The following CHMP2B variants were observed in gnomAD, a reference collection of about 807,000 sequenced individuals.
CHMP2B encodes charged multivesicular body protein 2B.
CHMP2B carries 22 observed loss-of-function variants against 29.8 expected under a neutral mutation model. The ratio of observed to expected loss-of-function variants is 0.74; its 90% confidence interval spans 0.53 to 1.05. The LOEUF (loss-of-function observed/expected upper bound fraction) is 1.05, where lower values mean the gene tolerates loss of function less well. CHMP2B is among the 50% of genes least tolerant of loss of function. The probability of loss-of-function intolerance (pLI) is 0.00; values close to 1 mark genes in which losing one functional copy is unlikely to be tolerated. For synonymous variants in CHMP2B, 78 were observed against 75.8 expected, an observed-to-expected ratio of 1.03 and a Z score of -0.15; for missense variants, 261 against 252.2, an observed-to-expected ratio of 1.03 and a Z score of -0.24.
Position 87,253,689 on chromosome 3 carries a change from G to T in CHMP2B, c.532-23G>T, listed in dbSNP as rs767224164. The T allele has an allele frequency of 3.1e-6, 5 of 1,594,464 alleles. No homozygotes were observed. In the African/African-American group the frequency reaches 4.0e-5, roughly 13 times the overall value. On this transcript the variant is annotated intron_variant, in intron 5 of 5. Transcript: ENST00000263780. ...TCCAAATGTTTCCTAATGCACGTTT[G>T]TCTTTTTCATTGTTTAATATAGATG... is the stretch of plus-strand genomic sequence containing the variant.
chr3:87,251,716 T>A (rs1371329497), intron 4 of CHMP2B, among the ~76,000 whole-genome samples: 1 of 152,012 alleles, frequency 6.6e-6, no homozygotes, highest in East Asian at 1.9e-4. Flanking sequence ...TTGTTCACAG[T>A]TAAGACACAA....
At position 87,227,430 on chromosome 3, in the gene CHMP2B, G is replaced by A; in HGVS notation, c.-93G>A. On this transcript the variant is annotated 5_prime_UTR_variant, in exon 1 of 6. Transcript: ENST00000263780. ...TGCTGTCTCTCCGCTCCGCCACCCC[G>A]AACCCGCCAAGGTCCTGTCCTTTTC... The A allele has an allele frequency of 6.6e-7, 1 of 1,511,606 alleles. No individual in the cohort carries two copies. Among genetic ancestry groups the A allele is most frequent in the Non-Finnish European group, 9.2e-7 (1 of 1,087,812 alleles). The allele number at this position is 1,511,606 out of a possible 1,614,324, so 93.6% of individuals were successfully genotyped here. A position where few individuals can be genotyped will look rare whatever the true frequency, so the allele number is the denominator to read the frequency against.
At chr3:87,233,703 C>A (rs533466340) in intron 1 of CHMP2B, among the ~76,000 whole-genome samples, 1 of 152,146 alleles carries the variant, frequency 6.6e-6, no homozygotes, top group African/African-American at 2.4e-5. Flanking sequence ...CTACCTCTTC[C>A]CTGGAGATCT....
intron 1 of CHMP2B, among the ~76,000 whole-genome samples, chr3:87,238,803 G>C (rs1387293447): frequency 1.3e-5 from 2 of 151,994 alleles, no homozygotes; most frequent in African/African-American, 2.4e-5. Flanking sequence ...CACTTCTTTC[G>C]ATCTAAGAGT....
intron 3 of CHMP2B, among the ~76,000 whole-genome samples, chr3:87,247,220 C>T (rs1706230316): frequency 6.6e-6 from 1 of 152,116 alleles, no homozygotes; most frequent in Admixed American, 6.6e-5. Context: ...TTTTTCATTA[C>T]CTAATCTGTA....
At chr3:87,230,332 G>A (rs542206905) in intron 1 of CHMP2B, among the ~76,000 whole-genome samples, 4 of 152,208 alleles carry the variant, frequency 2.6e-5, no homozygotes, top group South Asian at 2.1e-4. Context: ...AAACATATAA[G>A]TACTCATATA....
At position 87,240,776 on chromosome 3, in the gene CHMP2B, C is replaced by G. The variant is rs142645831; in HGVS notation, c.112C>G (p.Gln38Glu). 6.2e-7 allele frequency: 1 copy of G among 1,612,160 alleles called. No individual in the cohort carries two copies. Among genetic ancestry groups the G allele is most frequent in the South Asian group, 1.1e-5 (1 of 91,064 alleles). The change falls in exon 2 of 6, where the codon CAA (glutamine) becomes GAA (glutamate). Residue 38 changes from glutamine to glutamate, a missense_variant. Gln to Glu is a conservative substitution (Grantham distance 29). Transcript: ENST00000263780. ...IIRDRAALEK[Q>E]EKQLELEIKK... ...CAGAGATCGAGCAGCTTTAGAGAAA[C>G]AAGAAAAACAGCTGGTAAGTAGAAC...
At chr3:87,253,146 T>C (rs1706346033) in intron 4 of CHMP2B, 6 of 367,260 alleles carry the variant, frequency 1.6e-5, no homozygotes, top group South Asian at 1.2e-4. Context: ...TTTTGTCTAT[T>C]AGAATTAATT....
At chr3:87,249,424 G>A (rs553162708) in intron 3 of CHMP2B, among the ~76,000 whole-genome samples, 60 of 151,542 alleles carry the variant, frequency 4.0e-4, no homozygotes, top group African/African-American at 1.4e-3. Context: ...TTTAAACCAT[G>A]GTTTAAAATG....
At chr3:87,229,255 G>A (rs1012290929) in intron 1 of CHMP2B, among the ~76,000 whole-genome samples, 5 of 152,114 alleles carry the variant, frequency 3.3e-5, no homozygotes, top group Non-Finnish European at 1.5e-5. Flanking sequence ...TGTGCAATGA[G>A]TGTTTAACTG....
At chr3:87,228,946 A>T (rs1705860124) in intron 1 of CHMP2B, among the ~76,000 whole-genome samples, 1 of 151,512 alleles carries the variant, frequency 6.6e-6, no homozygotes, top group African/African-American at 2.4e-5. Flanking sequence ...GGGGTGGGGG[A>T]ACGATTTATT....
rs200322526 is a variant in CHMP2B, at chr3:87,240,720, G to A, written c.56G>A (p.Arg19Gln). 147 of 1,613,020 alleles carry A rather than the reference G, an allele frequency of 9.1e-5. No individual in the cohort carries two copies. The East Asian group carries it at 9.6e-4, about 11-fold the overall frequency. ...TVDDVIKEQN[R>Q]ELRGTQRAII... is the part of the protein sequence containing the mutation. ...CTAGATGTAATAAAGGAACAGAATCGAGAGTTACGAGGTACACAGAGGGCT... is the reference window on the plus strand; with the variant it reads ...CTAGATGTAATAAAGGAACAGAATCAAGAGTTACGAGGTACACAGAGGGCT... Residue 19 changes from arginine (R) to glutamine (Q), a missense_variant, in exon 2 of 6, where the codon CGA (arginine) becomes CAA (glutamine). Transcript: ENST00000263780.
chr3:87,227,495 C>T lies in CHMP2B; in HGVS notation c.-28C>T, dbSNP rs1251225436. On this transcript the variant is annotated 5_prime_UTR_variant, in exon 1 of 6. Transcript: ENST00000263780. ...CAGCGTTGGGCCGGACCGGGCCGAG[C>T]CGGGCCGCCCGGGCGCAGTCTTTAA... The T allele has an allele frequency of 6.2e-7, 1 of 1,614,060 alleles. No homozygotes were observed. Among genetic ancestry groups the T allele is most frequent in the South Asian group, 1.1e-5 (1 of 91,086 alleles).
chr3:87,231,008 C>A (rs978766169), intron 1 of CHMP2B, among the ~76,000 whole-genome samples: 1 of 150,214 alleles, frequency 6.7e-6, no homozygotes, highest in South Asian at 2.1e-4. Context: ...ATTTTTTTTT[C>A]TTTTTCTTAA....
chr3:87,236,176 G>T (rs1706004398), intron 1 of CHMP2B, among the ~76,000 whole-genome samples: 2 of 151,960 alleles, frequency 1.3e-5, no homozygotes, highest in South Asian at 4.1e-4. Flanking sequence ...GACATATGGG[G>T]GTGGAGTTAA....
chr3:87,236,716 G>A (rs962619166), intron 1 of CHMP2B, among the ~76,000 whole-genome samples: 2 of 151,920 alleles, frequency 1.3e-5, no homozygotes, highest in African/African-American at 4.8e-5. Context: ...ACAAAAATTA[G>A]CCAGGCATGG....
At chr3:87,253,557 C>T (rs1317752284) in intron 5 of CHMP2B, 47 bp downstream of exon 5, 4 of 1,406,306 alleles carry the variant, frequency 2.8e-6, no homozygotes, top group Admixed American at 3.4e-5. Context: ...CTGCCTACCA[C>T]GTTTGTCACT....
intron 2 of CHMP2B, among the ~76,000 whole-genome samples, chr3:87,241,560 T>C (rs1163845891): frequency 3.3e-5 from 5 of 152,194 alleles, no homozygotes. Context: ...AATCATATAA[T>C]ATCAACTCCT....
At chr3:87,232,851 C>T (rs886196835) in intron 1 of CHMP2B, among the ~76,000 whole-genome samples, 3 of 152,148 alleles carry the variant, frequency 2.0e-5, no homozygotes, top group Non-Finnish European at 4.4e-5. Context: ...AAACAAGACT[C>T]AAAAGTCTAC....
Sources: allele counts gnomAD v4.1 joint callset (sites outside exome capture counted in the v4.1 genomes callset), GRCh38; gene constraint gnomAD v4.1.1; transcripts MANE v1.5; gene names NCBI Gene and HGNC (gene_info 2026-07-23, HGNC 2026-07-21).